Variants in CNTLN observed in about 807,000 individuals in gnomAD.
CNTLN encodes centlein, centrosomal protein.
Under a neutral mutation model 180.0 loss-of-function variants are expected in CNTLN, and 212 were observed. The observed-to-expected ratio is 1.18, with a 90% CI of 1.05 to 1.32. CNTLN has a LOEUF of 1.32. CNTLN is among the 40% of genes most tolerant of loss of function. The probability of loss-of-function intolerance (pLI) is 0.00; values close to 1 mark genes in which losing one functional copy is unlikely to be tolerated. For synonymous variants in CNTLN, 722 were observed against 563.1 expected, an observed-to-expected ratio of 1.28 and a Z score of -3.99; for missense variants, 2,095 against 1,610.9, an observed-to-expected ratio of 1.30 and a Z score of -5.14.
At chr9:17,361,765 G>A (rs1823409947) in intron 12 of CNTLN, among the ~76,000 whole-genome samples, 1 of 152,162 alleles carries the variant, frequency 6.6e-6, no homozygotes, top group African/African-American at 2.4e-5. Context: ...CATCATTAAG[G>A]GCTCTCTCTG....
chr9:17,143,557 T>C (rs371060218), intron 2 of CNTLN, among the ~76,000 whole-genome samples, 181 bp downstream of exon 2: 1 of 152,254 alleles, frequency 6.6e-6, no homozygotes, highest in South Asian at 2.1e-4. Flanking sequence ...CAAGTACAGG[T>C]ATGCCCTGTT....
In CNTLN at chr9:17,487,131, C is replaced by G. The variant is rs913786940; in HGVS notation, c.4119+65C>G. The stretch of plus-strand genomic sequence containing the variant: ...AAGAATTCCAAGCCTTACATTTTCA[C>G]CAGATGTCTAACTTTTTGTAAACAC... On this transcript the variant is annotated intron_variant, in intron 25 of 25. Transcript: ENST00000380647. The G allele has an allele frequency of 3.7e-6, 4 of 1,090,248 alleles. No homozygotes were observed. The African/African-American group carries it at 4.7e-5, about 13-fold the overall frequency. 67.5% of individuals were successfully genotyped at this position (1,090,248 alleles called of 1,614,324 possible).
intron 23 of CNTLN, among the ~76,000 whole-genome samples, chr9:17,471,780 G>A (rs1414732086): frequency 6.6e-6 from 1 of 151,990 alleles, no homozygotes. Flanking sequence ...ACTGGTAATA[G>A]AAGGCAATTT....
intron 18 of CNTLN, among the ~76,000 whole-genome samples, chr9:17,423,230 T>C (rs1828849630): frequency 6.6e-6 from 1 of 152,154 alleles, no homozygotes; most frequent in South Asian, 2.1e-4. Flanking sequence ...TGGCTGCCAC[T>C]GATGTTTATT....
At chr9:17,235,455 T>C (rs1216011346) in intron 3 of CNTLN, among the ~76,000 whole-genome samples, 1 of 152,190 alleles carries the variant, frequency 6.6e-6, no homozygotes, top group Non-Finnish European at 1.5e-5. Flanking sequence ...TTATGTGTTC[T>C]TCAACATAAA....
chr9:17,307,467 G>C (rs1400944463), intron 7 of CNTLN, among the ~76,000 whole-genome samples: 1 of 151,832 alleles, frequency 6.6e-6, no homozygotes, highest in East Asian at 1.9e-4. Context: ...ACGGGGATTC[G>C]TCATATTGCC....
At chr9:17,437,806 T>G (rs918255142) in intron 18 of CNTLN, among the ~76,000 whole-genome samples, 1 of 152,318 alleles carries the variant, frequency 6.6e-6, no homozygotes. Flanking sequence ...GATATAGAGA[T>G]ATATATGTAT....
chr9:17,375,632 G>GT (rs1196655057), intron 13 of CNTLN, among the ~76,000 whole-genome samples: 1 of 152,094 alleles, frequency 6.6e-6, no homozygotes, highest in Non-Finnish European at 1.5e-5. Flanking sequence ...GTACTATAGT[G>GT]TTATGCTTAA....
chr9:17,170,432 A>C (rs1226025356), intron 2 of CNTLN, among the ~76,000 whole-genome samples: 1 of 152,084 alleles, frequency 6.6e-6, no homozygotes, highest in Non-Finnish European at 1.5e-5. Flanking sequence ...ATATTGAATA[A>C]AAGTGGCAAG....
intron 5 of CNTLN, among the ~76,000 whole-genome samples, chr9:17,254,860 CTG>C (rs1394322093): frequency 6.6e-6 from 1 of 151,684 alleles, no homozygotes; most frequent in East Asian, 1.9e-4. Flanking sequence ...TGCATTAAAT[CTG>C]TAGCTCACTT....
intron 18 of CNTLN, among the ~76,000 whole-genome samples, chr9:17,452,288 G>A (rs922628756): frequency 6.6e-6 from 1 of 152,134 alleles, no homozygotes; most frequent in East Asian, 1.9e-4. Context: ...AGGTCTCCCT[G>A]ATGGAGAAGG....
chr9:17,493,727 A>G (rs1243934734), intron 25 of CNTLN, among the ~76,000 whole-genome samples: 11 of 152,248 alleles, frequency 7.2e-5, no homozygotes, highest in Non-Finnish European at 1.6e-4. Context: ...AAATGTTTGC[A>G]TTGTAAAATA....
At chr9:17,235,360 C>T (rs564820953) in intron 3 of CNTLN, among the ~76,000 whole-genome samples, 5 of 152,098 alleles carry the variant, frequency 3.3e-5, no homozygotes, top group South Asian at 2.1e-4. Flanking sequence ...TAGAATGGTT[C>T]GTAAAATCTT....
At chr9:17,277,841 A>T (rs1428585421) in intron 6 of CNTLN, among the ~76,000 whole-genome samples, 1 of 152,172 alleles carries the variant, frequency 6.6e-6, no homozygotes, top group Non-Finnish European at 1.5e-5. Context: ...TGTTGAGAAA[A>T]ATAGAAGGTG....
Position 17,464,416 on chromosome 9 carries a change from A to T in CNTLN, c.3405-81A>T, listed in dbSNP as rs1831625996. 4.1e-6 allele frequency: 5 copies of T among 1,207,654 alleles called. No homozygotes were observed. In the East Asian group the frequency reaches 1.3e-4, roughly 32 times the overall value. The allele number at this position is 1,207,654 out of a possible 1,614,324, so 74.8% of individuals were successfully genotyped here. Reference sequence around the variant, plus strand: ...TAGCATTTAAAAAGTAACAGTAGGTATAATATTGGATAAAATGTAAGATAT... The same window carrying T: ...TAGCATTTAAAAAGTAACAGTAGGTTTAATATTGGATAAAATGTAAGATAT... On this transcript the variant is annotated intron_variant, in intron 20 of 25. Coordinates refer to ENST00000380647, the MANE Select transcript of CNTLN (RefSeq NM_017738.4).
chr9:17,290,443 A>C (rs1046816406), intron 6 of CNTLN, among the ~76,000 whole-genome samples: 1 of 148,398 alleles, frequency 6.7e-6, no homozygotes, highest in Non-Finnish European at 1.5e-5. Flanking sequence ...AAGTCTGCAG[A>C]GGTTACTGCT....
At chr9:17,142,883 G>T (rs146683180) in intron 1 of CNTLN, among the ~76,000 whole-genome samples, 1,597 of 152,252 alleles carry the variant, frequency 0.01, 32 homozygotes, top group African/African-American at 0.037. Context: ...TTAGCATAAT[G>T]GTGGTTAGGA....
rs377706570 is a variant in CNTLN, at chr9:17,484,351, G to A, written c.3912G>A (p.Glu1304=). The A allele has an allele frequency of 8.1e-6, 13 of 1,611,750 alleles. No individual in the cohort carries two copies. Among genetic ancestry groups the A allele is most frequent in the Non-Finnish European group, 1.1e-5 (13 of 1,179,278 alleles). The change falls in exon 24 of 26, where the codon GAG becomes GAA. Residue 1304 remains glutamate (E), a synonymous_variant. Coordinates refer to ENST00000380647, the MANE Select transcript of CNTLN (RefSeq NM_017738.4). ...DVHVVRRQIR[E]LKKMKKNRDA... is the part of the protein sequence containing the mutation. ...ATGTGGTAAGGCGACAAATAAGAGA[G>A]CTTAAAAAAATGAAGAAAAACAGGG... is the stretch of plus-strand genomic sequence containing the variant.
intron 12 of CNTLN, among the ~76,000 whole-genome samples, chr9:17,346,851 T>C (rs755451880): frequency 2.6e-5 from 4 of 152,204 alleles, no homozygotes; most frequent in East Asian, 1.9e-4. Flanking sequence ...ATCACATGAA[T>C]GCTAGATCTT....
Sources: allele counts gnomAD v4.1 joint callset (sites outside exome capture counted in the v4.1 genomes callset), GRCh38; gene constraint gnomAD v4.1.1; transcripts MANE v1.5; gene names NCBI Gene and HGNC (gene_info 2026-07-23, HGNC 2026-07-21).